The following SGCZ variants were observed in gnomAD, a reference collection of about 807,000 sequenced individuals.
SGCZ encodes sarcoglycan zeta, also known as zeta-sarcoglycan.
Under a neutral mutation model 41.3 loss-of-function variants are expected in SGCZ, and 40 were observed. The observed-to-expected ratio is 0.97, with a 90% CI of 0.75 to 1.26. The LOEUF (loss-of-function observed/expected upper bound fraction) is 1.26. Ranked by LOEUF, SGCZ falls within the 50% of genes most tolerant of loss-of-function variation. The pLI is 0.00. For synonymous variants in SGCZ, 206 were observed against 137.5 expected, an observed-to-expected ratio of 1.50 and a Z score of -3.49; for missense variants, 552 against 369.8, an observed-to-expected ratio of 1.49 and a Z score of -4.04.
intron 3 of SGCZ, among the ~76,000 whole-genome samples, chr8:14,240,327 C>CAAAAAAAAAAAAAAAAAAAAAAAAAAA (rs59351247): frequency 3.1e-4 from 36 of 115,222 alleles, no homozygotes; most frequent in Non-Finnish European, 3.9e-4. Context: ...AACTCTGTGT[C>CAAAAAAAAAAAAAAAAAAAAAAAAAAA]AAAAAAAAAA....
At chr8:15,234,907 T>C (rs1021164971) in intron 1 of SGCZ, among the ~76,000 whole-genome samples, 2 of 152,098 alleles carry the variant, frequency 1.3e-5, no homozygotes, top group Non-Finnish European at 2.9e-5. Flanking sequence ...AGCTAAACTA[T>C]ATTTTTATAC....
At chr8:14,653,933 A>G (rs1461380483) in intron 1 of SGCZ, among the ~76,000 whole-genome samples, 1 of 152,168 alleles carries the variant, frequency 6.6e-6, no homozygotes, top group Non-Finnish European at 1.5e-5. Context: ...TTCACCAATT[A>G]AAAGACAGAT....
chr8:15,165,157 G>T (rs1799625583), intron 1 of SGCZ, among the ~76,000 whole-genome samples: 1 of 152,116 alleles, frequency 6.6e-6, no homozygotes, highest in South Asian at 2.1e-4. Flanking sequence ...AGGCGTGGTG[G>T]TACATGCCTG....
At chr8:14,194,097 T>G (rs539000554) in intron 4 of SGCZ, among the ~76,000 whole-genome samples, 49 of 151,926 alleles carry the variant, frequency 3.2e-4, no homozygotes, top group African/African-American at 1.2e-3. Context: ...TGTGAAAAAC[T>G]ACTCAACAAT....
chr8:14,667,002 A>G (rs1252851796), intron 1 of SGCZ, among the ~76,000 whole-genome samples: 1 of 152,190 alleles, frequency 6.6e-6, no homozygotes, highest in African/African-American at 2.4e-5. Flanking sequence ...TAATGAGCAT[A>G]GCAATGATCA....
intron 1 of SGCZ, among the ~76,000 whole-genome samples, chr8:15,090,483 C>A (rs533210855): frequency 6.6e-6 from 1 of 152,280 alleles, no homozygotes; most frequent in African/African-American, 2.4e-5. Context: ...AATCAGGCTG[C>A]CCATAGGGCT....
intron 2 of SGCZ, among the ~76,000 whole-genome samples, chr8:14,421,459 C>T (rs1040798293): frequency 2.0e-5 from 3 of 152,126 alleles, no homozygotes; most frequent in South Asian, 2.1e-4. Flanking sequence ...ACAGCAAATG[C>T]AATGTTGTGA....
At chr8:15,166,347 A>G (rs1230331982) in intron 1 of SGCZ, among the ~76,000 whole-genome samples, 1 of 149,978 alleles carries the variant, frequency 6.7e-6, no homozygotes, top group Admixed American at 6.8e-5. Context: ...TCCCGGGTTC[A>G]CACCATTCTC....
intron 1 of SGCZ, among the ~76,000 whole-genome samples, chr8:15,106,658 T>C (rs1806836716): frequency 6.6e-6 from 1 of 152,104 alleles, no homozygotes; most frequent in Non-Finnish European, 1.5e-5. Flanking sequence ...TTCTTGGACT[T>C]TACATGTTTA....
intron 2 of SGCZ, among the ~76,000 whole-genome samples, chr8:14,540,110 G>C (rs17119764): frequency 6.6e-6 from 1 of 151,594 alleles, no homozygotes; most frequent in African/African-American, 2.4e-5. Context: ...TCCTGGCAGA[G>C]AAGGTCCTTT....
At chr8:14,740,813 C>CA (rs1461420289) in intron 1 of SGCZ, among the ~76,000 whole-genome samples, 4 of 151,702 alleles carry the variant, frequency 2.6e-5, no homozygotes, top group African/African-American at 4.8e-5. Context: ...GTTATCTTTG[C>CA]AAAAAAACAG....
chr8:15,157,181 C>G (rs1169046754), intron 1 of SGCZ, among the ~76,000 whole-genome samples: 1 of 152,074 alleles, frequency 6.6e-6, no homozygotes, highest in African/African-American at 2.4e-5. Flanking sequence ...TAGATGATGA[C>G]ATTTTATACT....
chr8:14,167,590 T>A (rs1221907417), intron 4 of SGCZ, among the ~76,000 whole-genome samples: 6 of 152,002 alleles, frequency 3.9e-5, no homozygotes, highest in Non-Finnish European at 7.4e-5. Context: ...GGAAAGAGAA[T>A]TGGCAAGAAA....
intron 2 of SGCZ, among the ~76,000 whole-genome samples, chr8:14,517,132 A>G (rs1159257737): frequency 6.6e-6 from 1 of 152,052 alleles, no homozygotes; most frequent in Non-Finnish European, 1.5e-5. Context: ...CAATTAAGAG[A>G]TTAAGTCCTG....
chr8:15,179,001 T>C (rs1323271972), intron 1 of SGCZ, among the ~76,000 whole-genome samples: 2 of 152,210 alleles, frequency 1.3e-5, no homozygotes, highest in Admixed American at 6.5e-5. Context: ...ATTATGAGAC[T>C]TTCCTCAAGC....
At chr8:15,179,894 A>G (rs924238606) in intron 1 of SGCZ, among the ~76,000 whole-genome samples, 2 of 152,220 alleles carry the variant, frequency 1.3e-5, no homozygotes, top group Non-Finnish European at 2.9e-5. Flanking sequence ...GTACCACACA[A>G]CAACCTGCAA....
At chr8:14,219,057 A>C (rs1175382016) in intron 4 of SGCZ, among the ~76,000 whole-genome samples, 3 of 152,206 alleles carry the variant, frequency 2.0e-5, no homozygotes, top group African/African-American at 7.2e-5. Context: ...GCTCAGCAAA[A>C]ATTAAAAACA....
intron 1 of SGCZ, among the ~76,000 whole-genome samples, chr8:14,623,022 T>C (rs567578551): frequency 1.3e-5 from 2 of 152,296 alleles, no homozygotes; most frequent in Admixed American, 6.5e-5. Flanking sequence ...GCTTTTCTGA[T>C]ACCTTGGAGG....
chr8:14,696,362 T>C (rs1447259982), intron 1 of SGCZ, among the ~76,000 whole-genome samples: 2 of 152,064 alleles, frequency 1.3e-5, no homozygotes, highest in Non-Finnish European at 2.9e-5. Flanking sequence ...TGAGTGAGAC[T>C]GGGAATTGCA....
Sources: gnomAD v4.1 joint callset for allele counts (sites outside exome capture counted in the v4.1 genomes callset) on GRCh38, gnomAD v4.1.1 for gene constraint, MANE v1.5 for transcripts, NCBI Gene and HGNC (gene_info 2026-07-23, HGNC 2026-07-21) for gene names.